Variants in ZNF521 observed in about 807,000 individuals in gnomAD.
ZNF521 encodes LYST-interacting protein 3.
In ZNF521, 14 loss-of-function variants were observed where a neutral mutation model predicts 105.5. The observed-to-expected ratio is 0.13, with a 90% CI of 0.09 to 0.21. The LOEUF is 0.21. ZNF521 is among the 10% of genes least tolerant of loss of function. ZNF521 has a pLI of 1.00. For missense variants in ZNF521, 1,233 were observed against 1,629.7 expected (o/e 0.76, Z 4.19); for synonymous variants, 635 against 606.0 (o/e 1.05, Z -0.70).
chr18:25,072,650 C>G (rs138239974), intron 7 of ZNF521, among the ~76,000 whole-genome samples: 12 of 152,262 alleles, frequency 7.9e-5, no homozygotes, highest in African/African-American at 2.9e-4. Flanking sequence ...CTGTCTGTTT[C>G]CATGCAAGAA....
At chr18:25,264,261 T>C (rs1330967772) in intron 3 of ZNF521, among the ~76,000 whole-genome samples, 1 of 152,220 alleles carries the variant, frequency 6.6e-6, no homozygotes, top group Non-Finnish European at 1.5e-5. Flanking sequence ...TGCCATTTTG[T>C]TCCAGCATTT....
chr18:25,282,569 T>C (rs1600253930), intron 3 of ZNF521, among the ~76,000 whole-genome samples: 1 of 152,088 alleles, frequency 6.6e-6, no homozygotes, highest in African/African-American at 2.4e-5. Flanking sequence ...GGGCGGTGCA[T>C]GGTGGGGACA....
intron 4 of ZNF521, among the ~76,000 whole-genome samples, chr18:25,221,941 T>G: frequency 2.0e-5 from 3 of 152,262 alleles, no homozygotes; most frequent in Middle Eastern, 6.8e-3. Flanking sequence ...TTGTACATAT[T>G]TAATTGTAGA....
intron 7 of ZNF521, among the ~76,000 whole-genome samples, chr18:25,087,166 C>G (rs2033642132): frequency 1.3e-5 from 2 of 152,052 alleles, no homozygotes; most frequent in African/African-American, 2.4e-5. Context: ...TAAACCAAAG[C>G]CTTTTGTGGT....
At position 25,329,667 on chromosome 18, in the gene ZNF521, C is replaced by G. The variant is rs1913437975; in HGVS notation, c.41-7480G>C. ...GGCAGAGAGCAGGCTGGAAAAGCGG[C>G]TAGAGCACGAAGGAACTCCTGTGAG... is the stretch of plus-strand genomic sequence containing the variant. On this transcript the variant is annotated intron_variant, in intron 2 of 7. Coordinates refer to ENST00000361524, the MANE Select transcript of ZNF521 (RefSeq NM_015461.3). 1.3e-5 allele frequency among the ~76,000 whole-genome samples: 2 copies of G among 152,170 alleles called. 1 individual carries two copies. The highest frequency in any genetic ancestry group is 4.1e-4 in the South Asian group (2 of 4,824).
At chr18:25,114,156 G>C (rs1166582069) in intron 5 of ZNF521, among the ~76,000 whole-genome samples, 1 of 152,058 alleles carries the variant, frequency 6.6e-6, no homozygotes, top group African/African-American at 2.4e-5. Flanking sequence ...GTGGGGGTTG[G>C]GGGAAAGAAA....
chr18:25,220,235 A>G (rs1905620401), intron 4 of ZNF521, among the ~76,000 whole-genome samples: 1 of 152,240 alleles, frequency 6.6e-6, no homozygotes, highest in Non-Finnish European at 1.5e-5. Context: ...TAGAGACAAT[A>G]ATAACTAAGA....
chr18:25,199,364 G>A (rs903839423), intron 4 of ZNF521, among the ~76,000 whole-genome samples: 1 of 151,646 alleles, frequency 6.6e-6, no homozygotes, highest in Non-Finnish European at 1.5e-5. Flanking sequence ...ATCCTGATTT[G>A]GGGGGAGGGG....
chr18:25,127,523 C>T (rs2034559867), intron 5 of ZNF521, among the ~76,000 whole-genome samples: 1 of 151,864 alleles, frequency 6.6e-6, no homozygotes, highest in Non-Finnish European at 1.5e-5. Flanking sequence ...AGAATTTATG[C>T]AACTTGCCTA....
intron 5 of ZNF521, among the ~76,000 whole-genome samples, chr18:25,120,588 A>C (rs201623803): frequency 3.0e-4 from 14 of 45,904 alleles, no homozygotes; most frequent in East Asian, 6.3e-4. Flanking sequence ...CATCTAAAAA[A>C]AAAAAAAAAA....
chr18:25,280,253 AAC>A (rs1389259294), intron 3 of ZNF521, among the ~76,000 whole-genome samples: 1 of 152,254 alleles, frequency 6.6e-6, no homozygotes, highest in Non-Finnish European at 1.5e-5. Context: ...GTCTACACAT[AAC>A]ACAGACACCA....
chr18:25,129,832 A>C (rs1484170548), intron 5 of ZNF521, among the ~76,000 whole-genome samples: 1 of 152,210 alleles, frequency 6.6e-6, no homozygotes, highest in African/African-American at 2.4e-5. Context: ...AAACACTGAC[A>C]AAACCAAATG....
chr18:25,283,436 G>A (rs1194184519), intron 3 of ZNF521, among the ~76,000 whole-genome samples: 1 of 152,158 alleles, frequency 6.6e-6, no homozygotes, highest in Non-Finnish European at 1.5e-5. Flanking sequence ...AAAAGCTGAG[G>A]TCGGTCTCCA....
chr18:25,167,871 A>T (rs1477334681), intron 5 of ZNF521, among the ~76,000 whole-genome samples: 1 of 152,208 alleles, frequency 6.6e-6, no homozygotes, highest in Non-Finnish European at 1.5e-5. Context: ...ATTCTGTGTG[A>T]ATAAAAAATG....
rs142025770 is a variant in ZNF521, at chr18:25,135,431, G to A, written c.3659-43350C>T. Among the ~76,000 whole-genome samples the A allele has an allele frequency of 1.3e-3, 197 of 152,180 alleles. 10 individuals are homozygous for A. In the East Asian group the frequency reaches 0.025, roughly 19 times the overall value. ...TTTTTGTTTGGGTTGGAAGGATGAT[G>A]GGGGTTGGGCTGGAGACGGCTCCAT... On this transcript the variant is annotated intron_variant, in intron 5 of 7. Coordinates refer to ENST00000361524, the MANE Select transcript of ZNF521 (RefSeq NM_015461.3).
chr18:25,152,656 T>C (rs1186727563), intron 5 of ZNF521, among the ~76,000 whole-genome samples: 1 of 151,960 alleles, frequency 6.6e-6, no homozygotes, highest in African/African-American at 2.4e-5. Context: ...CCCCGGAAAA[T>C]TATGATATTG....
intron 2 of ZNF521, among the ~76,000 whole-genome samples, chr18:25,350,123 C>T (rs1338068575): frequency 6.6e-6 from 1 of 152,182 alleles, no homozygotes; most frequent in African/African-American, 2.4e-5. Context: ...ACCCCCGCCC[C>T]CGCCGCAGCC....
intron 5 of ZNF521, among the ~76,000 whole-genome samples, chr18:25,099,380 CTTCT>C (rs2033919398): frequency 6.6e-6 from 1 of 152,152 alleles, no homozygotes. Context: ...CAGTGCTTGG[CTTCT>C]TTATTTCCCA....
At chr18:25,140,849 C>T (rs545738923) in intron 5 of ZNF521, among the ~76,000 whole-genome samples, 1 of 152,272 alleles carries the variant, frequency 6.6e-6, no homozygotes, top group East Asian at 1.9e-4. Context: ...ATCGCTGATG[C>T]AAACACATGG....
Sources: gnomAD v4.1 joint callset for allele counts (sites outside exome capture counted in the v4.1 genomes callset) on GRCh38, gnomAD v4.1.1 for gene constraint, MANE v1.5 for transcripts, NCBI Gene and HGNC (gene_info 2026-07-23, HGNC 2026-07-21) for gene names.